Variants in ANKRD44 observed in about 807,000 individuals in gnomAD.
The protein encoded by ANKRD44 is ankyrin repeat domain 44, also known as serine/threonine-protein phosphatase 6 regulatory ankyrin repeat subunit B.
In ANKRD44, 35 loss-of-function variants were observed where a neutral mutation model predicts 116.0. The ratio of observed to expected loss-of-function variants is 0.30; its 90% CI spans 0.23 to 0.40. ANKRD44 has a LOEUF of 0.40. Ranked by LOEUF, ANKRD44 falls within the 10% of genes least tolerant of loss-of-function variation. The probability of loss-of-function intolerance (pLI) is 1.00; values close to 1 mark genes in which losing one functional copy is unlikely to be tolerated. For synonymous variants in ANKRD44, 435 were observed against 461.8 expected (o/e 0.94, Z 0.74); for missense variants, 1,014 against 1,242.6 (o/e 0.82, Z 2.77).
intron 17 of ANKRD44, among the ~76,000 whole-genome samples, chr2:197,020,865 T>G (rs1400139039): frequency 1.4e-5 from 2 of 145,184 alleles, no homozygotes; most frequent in East Asian, 3.8e-4. Flanking sequence ...TTGTTACATA[T>G]GTAAATATGT....
chr2:197,295,001 T>C (rs1171221617), intron 1 of ANKRD44, among the ~76,000 whole-genome samples: 1 of 152,162 alleles, frequency 6.6e-6, no homozygotes, highest in African/African-American at 2.4e-5. Context: ...TATAAACATA[T>C]GGCTTCCTTC....
chr2:196,985,160 A>G (rs1231849692), downstream of ANKRD44, among the ~76,000 whole-genome samples: 1 of 152,210 alleles, frequency 6.6e-6, no homozygotes, highest in Non-Finnish European at 1.5e-5. Context: ...TGAGGCCCTC[A>G]GTGTAACAAC....
intron 4 of ANKRD44, among the ~76,000 whole-genome samples, chr2:197,126,372 TA>T (rs2078974955): frequency 1.3e-5 from 2 of 152,156 alleles, no homozygotes; most frequent in South Asian, 4.1e-4. Flanking sequence ...CAGGGTAAAA[TA>T]ACCATAGACA....
chr2:197,175,574 T>C (rs950776966), intron 2 of ANKRD44, among the ~76,000 whole-genome samples: 2 of 152,008 alleles, frequency 1.3e-5, no homozygotes, highest in South Asian at 2.1e-4. Context: ...TCTCCCTCCC[T>C]CCCCCAAAGA....
intron 1 of ANKRD44, among the ~76,000 whole-genome samples, chr2:197,310,042 C>G (rs73988430): frequency 1.3e-5 from 2 of 152,166 alleles, no homozygotes; most frequent in East Asian, 1.9e-4. Context: ...TCCCGCACCA[C>G]GCACACAGCC....
At chr2:196,981,564 T>C (rs2075801231) in intron 21 of ANKRD44, among the ~76,000 whole-genome samples, 1 of 152,116 alleles carries the variant, frequency 6.6e-6, no homozygotes, top group Admixed American at 6.6e-5. Context: ...TCACCTGAGG[T>C]TGGGAGTTCG....
chr2:197,240,765 ACATGGCATACT>A (rs554148475), intron 1 of ANKRD44, among the ~76,000 whole-genome samples: 6 of 143,800 alleles, frequency 4.2e-5, no homozygotes, highest in African/African-American at 1.6e-4. Flanking sequence ...AGATCCAAGG[ACATGGCATACT>A]AGATAATAAC....
intron 5 of ANKRD44, among the ~76,000 whole-genome samples, 184 bp downstream of exon 5, chr2:197,125,653 T>C (rs2078958400): frequency 6.6e-6 from 1 of 152,222 alleles, no homozygotes; most frequent in Non-Finnish European, 1.5e-5. Context: ...AGGAAAAGAC[T>C]GAAGTGACAG....
chr2:197,212,695 T>C lies in ANKRD44; in HGVS notation c.28-25589A>G, dbSNP rs1559154331. Among the ~76,000 whole-genome samples, 1 of 152,232 alleles carries C rather than the reference T, an allele frequency of 6.6e-6. No homozygotes were observed. The highest frequency in any genetic ancestry group is 1.5e-5 in the Non-Finnish European group (1 of 68,036). On this transcript the variant is annotated intron_variant, in intron 1 of 27. Coordinates refer to ENST00000282272, the MANE Select transcript of ANKRD44 (RefSeq NM_001195144.2). The surrounding 1 kb of genome is among the most constrained non-coding windows in gnomAD (Gnocchi z 4.8). ...AGAACTTCTACATGAGTAAAAATTC[T>C]GCATCACAGCAACTGCAGTGGTGTC...
At chr2:196,981,383 GA>G (rs1195229129) in intron 21 of ANKRD44, among the ~76,000 whole-genome samples, 1 of 152,148 alleles carries the variant, frequency 6.6e-6, no homozygotes, top group African/African-American at 2.4e-5. Flanking sequence ...AACATCTGAT[GA>G]AAAAATCCAC....
chr2:197,234,287 G>C (rs934928467), intron 1 of ANKRD44, among the ~76,000 whole-genome samples: 1 of 151,522 alleles, frequency 6.6e-6, no homozygotes, highest in African/African-American at 2.4e-5. Flanking sequence ...AACCTCCTGT[G>C]CTCAATTGAT....
intron 9 of ANKRD44, among the ~76,000 whole-genome samples, chr2:197,104,198 G>C (rs1162761396): frequency 6.6e-6 from 1 of 152,114 alleles, no homozygotes; most frequent in African/African-American, 2.4e-5. Context: ...TCGGCTCACT[G>C]CAACCTCCCC....
At chr2:197,227,601 C>CAAA (rs140740345) in intron 1 of ANKRD44, among the ~76,000 whole-genome samples, 249 of 149,516 alleles carry the variant, frequency 1.7e-3, no homozygotes, top group African/African-American at 5.1e-3. Flanking sequence ...TTTGTTTTAC[C>CAAA]AAAAAAAACA....
At chr2:197,207,267 G>T (rs1336682751) in intron 1 of ANKRD44, among the ~76,000 whole-genome samples, 1 of 152,110 alleles carries the variant, frequency 6.6e-6, no homozygotes, top group African/African-American at 2.4e-5. Context: ...CTCCATTCAG[G>T]TTGCAGTCCT....
chr2:197,147,381 T>C (rs747896654), intron 2 of ANKRD44, among the ~76,000 whole-genome samples: 12 of 150,946 alleles, frequency 7.9e-5, no homozygotes, highest in African/African-American at 1.2e-4. Flanking sequence ...CATTATGCCC[T>C]GGATGATGAA....
chr2:197,136,157 C>A, intron 4 of ANKRD44: 1 of 185,644 alleles, frequency 5.4e-6, no homozygotes, highest in Non-Finnish European at 1.1e-5. Context: ...CCCCCATTCA[C>A]TCACTTCCTT....
chr2:197,009,945 C>G (rs2076267928), intron 18 of ANKRD44, among the ~76,000 whole-genome samples: 1 of 152,052 alleles, frequency 6.6e-6, no homozygotes, highest in Non-Finnish European at 1.5e-5. Flanking sequence ...CTGAGTCACC[C>G]AATTCCATAT....
intron 3 of ANKRD44, among the ~76,000 whole-genome samples, chr2:197,137,352 A>G (rs1490277998): frequency 6.6e-6 from 1 of 152,198 alleles, no homozygotes; most frequent in Non-Finnish European, 1.5e-5. Flanking sequence ...GAGGACAGAG[A>G]GTGGAGAAAC....
chr2:197,050,428 CTTT>C (rs796163431), intron 16 of ANKRD44, among the ~76,000 whole-genome samples: 1 of 144,442 alleles, frequency 6.9e-6, no homozygotes, highest in Non-Finnish European at 1.5e-5. Flanking sequence ...TTTGTTTTTG[CTTT>C]TTTTTTTTTG....
Sources: allele counts gnomAD v4.1 joint callset (sites outside exome capture counted in the v4.1 genomes callset), GRCh38; gene constraint gnomAD v4.1.1; non-coding constraint Gnocchi (gnomAD v3.1); transcripts MANE v1.5; gene names NCBI Gene and HGNC (gene_info 2026-07-23, HGNC 2026-07-21).